The following ANK2 variants were observed in gnomAD, a reference collection of about 807,000 sequenced individuals.
The protein encoded by ANK2 is ankyrin 2, also known as ankyrin-2.
Under a neutral mutation model 360.5 loss-of-function variants are expected in ANK2, and 83 were observed. The ratio of observed to expected loss-of-function variants is 0.23; its 90% CI spans 0.19 to 0.28. The LOEUF (loss-of-function observed/expected upper bound fraction) is 0.28. ANK2 is among the 10% of genes least tolerant of loss of function. ANK2 has a pLI of 1.00. For synonymous variants in ANK2, 1,740 were observed against 1,759.5 expected (o/e 0.99, Z 0.28); for missense variants, 4,201 against 4,795.7 (o/e 0.88, Z 3.66).
At chr4:113,222,686 A>G (rs1486734488) in intron 4 of ANK2, among the ~76,000 whole-genome samples, 1 of 152,184 alleles carries the variant, frequency 6.6e-6, no homozygotes, top group Non-Finnish European at 1.5e-5. Flanking sequence ...GCCTAATAGC[A>G]TAGTTGTGGA....
chr4:113,143,002 A>T (rs555761011), intron 1 of ANK2, among the ~76,000 whole-genome samples: 1 of 111,074 alleles, frequency 9.0e-6, no homozygotes, highest in Non-Finnish European at 1.9e-5. Flanking sequence ...GTTTCTGTTA[A>T]TCTGCAAAAA....
chr4:113,047,809 G>A (rs1320643146), upstream of ANK2, among the ~76,000 whole-genome samples: 4 of 152,064 alleles, frequency 2.6e-5, no homozygotes, highest in Admixed American at 6.6e-5. Context: ...GGGAGTGAGG[G>A]GCAGCAAAAC....
chr4:112,764,170 C>G, the ANK2 span, among the ~76,000 whole-genome samples: 8 of 149,606 alleles, frequency 5.3e-5, no homozygotes, highest in Admixed American at 4.0e-4. Context: ...GTCTTGAACT[C>G]CTGACCTTGT....
chr4:112,950,302 C>T (rs978606213), intron 2 of ANK2, among the ~76,000 whole-genome samples: 6 of 152,090 alleles, frequency 3.9e-5, no homozygotes, highest in Admixed American at 6.5e-5. Flanking sequence ...ACTGATAGAA[C>T]GTAAATGGAA....
At chr4:112,756,956 G>C in the ANK2 span, among the ~76,000 whole-genome samples, 4 of 151,980 alleles carry the variant, frequency 2.6e-5, no homozygotes, top group Admixed American at 2.6e-4. Context: ...CTGGATGACA[G>C]AACGAGACTC....
At chr4:112,718,192 C>G in the ANK2 span, among the ~76,000 whole-genome samples, 1 of 152,336 alleles carries the variant, frequency 6.6e-6, no homozygotes, top group African/African-American at 2.4e-5. Flanking sequence ...TTTGTCTTCA[C>G]TAGTTATAGA....
At chr4:113,379,684 G>T (rs1170903444) in intron 45 of ANK2, among the ~76,000 whole-genome samples, 1 of 151,950 alleles carries the variant, frequency 6.6e-6, no homozygotes, top group African/African-American at 2.4e-5. Flanking sequence ...TCATCAGCAA[G>T]AACAAATTTA....
chr4:113,268,881 G>A (rs969218460), intron 14 of ANK2, among the ~76,000 whole-genome samples: 3 of 152,028 alleles, frequency 2.0e-5, no homozygotes, highest in African/African-American at 4.8e-5. Context: ...CTGGTCCTGG[G>A]CTTTTTTTGG....
chr4:113,055,320 G>A (rs1174032449), intron 1 of ANK2, among the ~76,000 whole-genome samples: 4 of 152,132 alleles, frequency 2.6e-5, no homozygotes, highest in Non-Finnish European at 4.4e-5. Context: ...CCCAACCCCC[G>A]AGGGTGAGGT....
intron 1 of ANK2, among the ~76,000 whole-genome samples, chr4:113,142,869 T>C (rs1174743108): frequency 6.6e-6 from 1 of 152,182 alleles, no homozygotes; most frequent in Non-Finnish European, 1.5e-5. Flanking sequence ...ATTTCTTTTC[T>C]AGGAAAATTT....
intron 4 of ANK2, among the ~76,000 whole-genome samples, chr4:113,204,540 T>C (rs2098915879): frequency 6.6e-6 from 1 of 152,344 alleles, no homozygotes; most frequent in East Asian, 1.9e-4. Context: ...ATTGTATTTT[T>C]ATTTATTTAA....
At chr4:112,925,691 T>G (rs1259427035) in intron 2 of ANK2, among the ~76,000 whole-genome samples, 1 of 152,240 alleles carries the variant, frequency 6.6e-6, no homozygotes, top group African/African-American at 2.4e-5. Flanking sequence ...TTGAATGGAA[T>G]AAACTTGGAA....
intron 15 of ANK2, among the ~76,000 whole-genome samples, chr4:113,277,318 A>G (rs2060604321): frequency 6.6e-6 from 1 of 152,218 alleles, no homozygotes; most frequent in Non-Finnish European, 1.5e-5. Context: ...TTTGTTCTAT[A>G]GACCATTTAT....
At chr4:113,340,943 T>A (rs1431842065) in intron 32 of ANK2, among the ~76,000 whole-genome samples, 1 of 152,166 alleles carries the variant, frequency 6.6e-6, no homozygotes, top group African/African-American at 2.4e-5. Flanking sequence ...ACCTCGACTT[T>A]CTTTGTGAAG....
At position 113,174,441 on chromosome 4, in the gene ANK2, G is replaced by A. The variant is rs2098115966; in HGVS notation, c.110G>A (p.Arg37His). The part of the protein sequence containing the change: ...KKSDSNASFL[R>H]AARAGNLDKV... ...TCTGACAGCAATGCAAGCTTCCTCC[G>A]TGCTGCCAGAGCAGGCAACCTGGAC... The change falls in exon 2 of 46, where the codon CGT becomes CAT. Residue 37 changes from arginine to histidine, a missense_variant. Transcript: ENST00000357077. 2 of 1,612,748 alleles carry A rather than the reference G, an allele frequency of 1.2e-6. No individual in the cohort carries two copies. The highest frequency in any genetic ancestry group is 1.7e-5 in the Admixed American group (1 of 59,956).
At chr4:113,153,428 C>T (rs898752813) in intron 1 of ANK2, among the ~76,000 whole-genome samples, 3 of 152,014 alleles carry the variant, frequency 2.0e-5, no homozygotes, top group Non-Finnish European at 4.4e-5. Flanking sequence ...TTGAAAACCA[C>T]TGGTTGTTAC....
intron 23 of ANK2, among the ~76,000 whole-genome samples, chr4:113,306,787 G>T (rs2077424846): frequency 6.6e-6 from 1 of 152,216 alleles, no homozygotes; most frequent in South Asian, 2.1e-4. Flanking sequence ...CTAGTAAGTG[G>T]TGGGTGTGGA....
At chr4:113,102,056 T>C (rs953039476) in intron 1 of ANK2, among the ~76,000 whole-genome samples, 3 of 152,220 alleles carry the variant, frequency 2.0e-5, no homozygotes, top group Admixed American at 6.5e-5. Context: ...TTGGAATTAT[T>C]TGGGCATTGG....
At chr4:112,806,611 C>A in the ANK2 span, among the ~76,000 whole-genome samples, 21 of 152,186 alleles carry the variant, frequency 1.4e-4, no homozygotes, top group Admixed American at 1.3e-3. Flanking sequence ...AGGAGGATTG[C>A]TTGATCTCAG....
Sources: gnomAD v4.1 joint callset for allele counts (sites outside exome capture counted in the v4.1 genomes callset) on GRCh38, gnomAD v4.1.1 for gene constraint, MANE v1.5 for transcripts, NCBI Gene and HGNC (gene_info 2026-07-23, HGNC 2026-07-21) for gene names.